Variants in ZNF638 observed in about 807,000 individuals in gnomAD.
ZNF638 encodes CTCL tumor antigen se33-1.
A neutral mutation model predicts 195.6 loss-of-function variants in ZNF638; 46 were observed. That is an observed-to-expected ratio of 0.24 (90% CI 0.19 to 0.30). The LOEUF is 0.30. Among genes scored for constraint, ZNF638 ranks in the 10% least tolerant of loss-of-function variants. The probability of loss-of-function intolerance (pLI) is 1.00; values close to 1 mark genes in which losing one functional copy is unlikely to be tolerated. For missense variants in ZNF638, 2,440 were observed against 2,325.3 expected, an observed-to-expected ratio of 1.05 and a Z score of -1.01; for synonymous variants, 845 against 772.0, an observed-to-expected ratio of 1.09 and a Z score of -1.57.
intron 10 of ZNF638, chr2:71,393,386 C>G (rs763160831): frequency 2.8e-6 from 2 of 717,982 alleles, no homozygotes; most frequent in Non-Finnish European, 5.2e-6. Context: ...TGTTCACACC[C>G]CCCTCAGGCC....
intron 22 of ZNF638, 94 bp downstream of exon 22, chr2:71,424,132 C>CT (rs887891417): frequency 6.8e-7 from 1 of 1,462,006 alleles, no homozygotes; most frequent in Non-Finnish European, 9.1e-7. Context: ...TTGTTTCATA[C>CT]TTTCATCTCC....
At chr2:71,375,463 G>A (rs939174890) in intron 8 of ZNF638, 1 of 151,994 alleles carries the variant, frequency 6.6e-6, no homozygotes, top group East Asian at 1.9e-4. Flanking sequence ...TTCTATCTTC[G>A]AGACATACAG....
intron 20 of ZNF638, among the ~76,000 whole-genome samples, chr2:71,411,305 A>T (rs1438298870): frequency 6.6e-6 from 1 of 151,270 alleles, no homozygotes; most frequent in Admixed American, 6.6e-5. Context: ...GCCCCAGGGA[A>T]GTTTTTCTAT....
intron 3 of ZNF638, among the ~76,000 whole-genome samples, chr2:71,358,177 C>T (rs1311942842): frequency 6.6e-6 from 1 of 152,182 alleles, no homozygotes; most frequent in African/African-American, 2.4e-5. Flanking sequence ...TCCCTATGCC[C>T]TGCTATTAGA....
At chr2:71,418,351 A>G in intron 20 of ZNF638, 1 of 297,832 alleles carries the variant, frequency 3.4e-6, no homozygotes, top group Non-Finnish European at 6.1e-6. Flanking sequence ...AAAGTTTCTT[A>G]TTTATATCAT....
At chr2:71,332,485 C>G (rs1156871713) in intron 1 of ZNF638, among the ~76,000 whole-genome samples, 1 of 152,100 alleles carries the variant, frequency 6.6e-6, no homozygotes, top group Non-Finnish European at 1.5e-5. Flanking sequence ...TTCTGTGCTG[C>G]GTAGTGCAGG....
rs1318015541 is a variant in ZNF638 at position 71,349,743 on chromosome 2, T to G, written c.789T>G (p.Phe263Leu). The G allele has an allele frequency of 1.2e-6, 2 of 1,614,206 alleles. No individual in the cohort carries two copies. The highest frequency in any genetic ancestry group is 1.7e-6 in the Non-Finnish European group (2 of 1,180,028). ...CAAATGTGATATGTAATTCTATGTT[T>G]CCTGTTGAAGACGTATTTCGCCAAA... is the stretch of plus-strand genomic sequence containing the variant. ...PNPNVICNSM[F>L]PVEDVFRQMD... is the part of the protein sequence containing the mutation. Residue 263 changes from phenylalanine (F) to leucine (L), a missense_variant, in exon 2 of 28, where the codon TTT (phenylalanine) becomes TTG (leucine). Transcript: ENST00000264447.
In ZNF638 at chr2:71,369,804, AAAGGATT is replaced by A; in HGVS notation, c.2143-75_2143-69del. ...GTTTCATAGTTTGATGTTACAAAAG[AAAGGATT>A]AAGCCCATTTTAAAATGCAGGAACT... On this transcript the variant is annotated intron_variant, in intron 7 of 27. Coordinates refer to ENST00000264447, the MANE Select transcript of ZNF638 (RefSeq NM_014497.5). The A allele has an allele frequency of 1.4e-6, 2 of 1,395,478 alleles. 1 individual carries two copies. Among genetic ancestry groups the A allele is most frequent in the South Asian group, 2.9e-5 (2 of 68,886 alleles). The allele number at this position is 1,395,478 out of a possible 1,614,324, so 86.4% of individuals were successfully genotyped here. A position where few individuals can be genotyped will look rare whatever the true frequency, so the allele number is the denominator to read the frequency against.
intron 9 of ZNF638, 50 bp from the exon 10 acceptor site, chr2:71,380,463 A>G: frequency 6.7e-7 from 1 of 1,488,072 alleles, no homozygotes; most frequent in Non-Finnish European, 9.1e-7. Context: ...AGGATTTTGT[A>G]GAACTTAGAA....
Position 71,343,205 on chromosome 2 carries a change from T to C in ZNF638, c.-202-5548T>C, listed in dbSNP as rs529188750. Among the ~76,000 whole-genome samples, 80 of 152,320 alleles carry C rather than the reference T, an allele frequency of 5.3e-4. 1 individual carries two copies. Among genetic ancestry groups the C allele is most frequent in the South Asian group, 1.2e-3 (6 of 4,828 alleles). On this transcript the variant is annotated intron_variant, in intron 1 of 27. Coordinates refer to ENST00000264447, the MANE Select transcript of ZNF638 (RefSeq NM_014497.5). ...GAAATTTGTTTTTTTTCTGTTAGATTGTTGGCACTTTGGCTATAGGAACGC... is the reference window on the plus strand; with the variant it reads ...GAAATTTGTTTTTTTTCTGTTAGATCGTTGGCACTTTGGCTATAGGAACGC...
At chr2:71,433,773 G>A (rs1196042340) in intron 27 of ZNF638, among the ~76,000 whole-genome samples, 2 of 152,092 alleles carry the variant, frequency 1.3e-5, no homozygotes, top group East Asian at 3.9e-4. Flanking sequence ...TGAGAGTTTC[G>A]TACATCCTCT....
At chr2:71,401,094 T>A (rs1471398152) in intron 15 of ZNF638, among the ~76,000 whole-genome samples, 2 of 152,170 alleles carry the variant, frequency 1.3e-5, no homozygotes, top group African/African-American at 4.8e-5. Context: ...ATTCTTCAAG[T>A]AGTAACTAAG....
At chr2:71,336,319 G>A (rs1288932073) in intron 1 of ZNF638, among the ~76,000 whole-genome samples, 4 of 140,558 alleles carry the variant, frequency 2.8e-5, no homozygotes, top group South Asian at 2.3e-4. Context: ...GCGGTGAGCC[G>A]AGATTTGCGC....
chr2:71,418,572 G>T, intron 20 of ZNF638, 30 bp from the exon 21 acceptor site: 2 of 1,465,414 alleles, frequency 1.4e-6, no homozygotes, highest in Non-Finnish European at 9.1e-7. Context: ...CAGTGGAATA[G>T]CCTCTAATAA....
At chr2:71,393,556 A>G in intron 10 of ZNF638, 1 of 717,990 alleles carries the variant, frequency 1.4e-6, no homozygotes, top group Non-Finnish European at 2.6e-6. Flanking sequence ...GGGGATGCTG[A>G]AGAAGACAAC....
At chr2:71,355,030 G>A (rs2079001570) in intron 2 of ZNF638, among the ~76,000 whole-genome samples, 2 of 152,004 alleles carry the variant, frequency 1.3e-5, no homozygotes, top group East Asian at 3.9e-4. Flanking sequence ...GTGCAGTGGC[G>A]CAATCTCGGC....
At chr2:71,373,594 G>A (rs562275240) in intron 8 of ZNF638, among the ~76,000 whole-genome samples, 3 of 151,384 alleles carry the variant, frequency 2.0e-5, no homozygotes, top group South Asian at 2.1e-4. Context: ...ACAGGTGCTC[G>A]CCACTAACAG....
chr2:71,357,530 A>G (rs371804801), intron 3 of ZNF638, among the ~76,000 whole-genome samples: 1 of 152,310 alleles, frequency 6.6e-6, no homozygotes, highest in East Asian at 1.9e-4. Flanking sequence ...AATTCTTATG[A>G]AGGTGAATTT....
intron 16 of ZNF638, among the ~76,000 whole-genome samples, chr2:71,403,294 C>T (rs2104437498): frequency 6.6e-6 from 1 of 152,220 alleles, no homozygotes; most frequent in African/African-American, 2.4e-5. Flanking sequence ...CAACTGTAAG[C>T]AAACATACAG....
Sources: gnomAD v4.1 joint callset for allele counts (sites outside exome capture counted in the v4.1 genomes callset) on GRCh38, gnomAD v4.1.1 for gene constraint, MANE v1.5 for transcripts, NCBI Gene and HGNC (gene_info 2026-07-23, HGNC 2026-07-21) for gene names.